The following TNFRSF19 variants were observed in gnomAD, a reference collection of about 807,000 sequenced individuals.
TNFRSF19 encodes the protein TNF receptor superfamily member 19.
A neutral mutation model predicts 46.4 loss-of-function variants in TNFRSF19; 27 were observed. That is an observed-to-expected ratio of 0.58 (90% confidence interval 0.43 to 0.80). The LOEUF is 0.80. TNFRSF19 is among the 30% of genes least tolerant of loss of function. The pLI, the probability that TNFRSF19 is intolerant of heterozygous loss-of-function variation, is 0.00. For missense variants in TNFRSF19, 511 were observed against 530.8 expected, an observed-to-expected ratio of 0.96 and a Z score of 0.37; for synonymous variants, 204 against 205.0, an observed-to-expected ratio of 1.00 and a Z score of 0.04.
intron 5 of TNFRSF19, among the ~76,000 whole-genome samples, chr13:23,653,299 T>C (rs889088892): frequency 3.3e-5 from 5 of 152,200 alleles, no homozygotes; most frequent in Non-Finnish European, 7.3e-5. Flanking sequence ...TCAGCTGCAG[T>C]GTGGCTTCTT....
chr13:23,673,662 G>A lies in TNFRSF19; in HGVS notation c.*282G>A. On this transcript the variant is annotated 3_prime_UTR_variant, in exon 10 of 10. Coordinates refer to ENST00000248484, the MANE Select transcript of TNFRSF19 (RefSeq NM_148957.4). ...TCTCTGCCACAAAAGTGACTTCAAA[G>A]ACGGATGGGTTGAGCTGGCAGCCTA... The A allele has an allele frequency of 1.2e-6, 1 of 858,634 alleles. No individual in the cohort carries two copies. The highest frequency in any genetic ancestry group is 1.5e-6 in the Non-Finnish European group (1 of 655,890). 53.2% of individuals were successfully genotyped at this position (858,634 alleles called of 1,614,324 possible). A position where few individuals can be genotyped will look rare whatever the true frequency, so the allele number is the denominator to read the frequency against.
intron 4 of TNFRSF19, among the ~76,000 whole-genome samples, chr13:23,625,099 A>G (rs141995975): frequency 6.6e-6 from 1 of 152,224 alleles, no homozygotes; most frequent in African/African-American, 2.4e-5. Flanking sequence ...GAGAAAATTG[A>G]TAATAAAAGT....
intron 5 of TNFRSF19, among the ~76,000 whole-genome samples, chr13:23,627,040 C>A (rs1882061334): frequency 6.6e-6 from 1 of 152,178 alleles, no homozygotes; most frequent in Non-Finnish European, 1.5e-5. Context: ...TGCTCAGCTC[C>A]TTCTGAAGCC....
At chr13:23,661,797 T>C (rs1431097831) in intron 7 of TNFRSF19, among the ~76,000 whole-genome samples, 2 of 152,254 alleles carry the variant, frequency 1.3e-5, no homozygotes, top group Non-Finnish European at 2.9e-5. Flanking sequence ...TCATCAGTGC[T>C]GTTGAGCTTT....
chr13:23,657,680 TTTCTTCTTC>T (rs145215064), intron 5 of TNFRSF19, among the ~76,000 whole-genome samples: 1 of 139,566 alleles, frequency 7.2e-6, no homozygotes, highest in Non-Finnish European at 1.5e-5. Flanking sequence ...ATTTTACCTG[TTTCTTCTTC>T]TTCTTCTTCT....
chr13:23,589,201 C>G (rs1043222198), intron 1 of TNFRSF19, among the ~76,000 whole-genome samples: 2 of 152,168 alleles, frequency 1.3e-5, no homozygotes, highest in African/African-American at 4.8e-5. Context: ...TGAGGCTTCG[C>G]TTTTTCTTTT....
rs80177844 is a variant in TNFRSF19 at position 23,625,930 on chromosome 13, T to A, written c.360-777T>A. Among the ~76,000 whole-genome samples the A allele has an allele frequency of 5.1e-4, 78 of 152,304 alleles. 1 individual carries two copies. In the East Asian group the frequency reaches 0.013, roughly 26 times the overall value. On this transcript the variant is annotated intron_variant, in intron 4 of 9. Transcript: ENST00000248484. ...TTTCATCTTAAATTTTTTAAAAAAATTTAATTGTGTCGTGCTTTTCAGTTT... is the reference window on the plus strand; with the variant it reads ...TTTCATCTTAAATTTTTTAAAAAAAATTAATTGTGTCGTGCTTTTCAGTTT...
chr13:23,635,650 A>G (rs1882632530), intron 5 of TNFRSF19, among the ~76,000 whole-genome samples: 1 of 152,202 alleles, frequency 6.6e-6, no homozygotes, highest in South Asian at 2.1e-4. Flanking sequence ...AAGTGCTGGG[A>G]TTACAGGTGT....
At chr13:23,575,746 T>G (rs1483796887) in intron 1 of TNFRSF19, among the ~76,000 whole-genome samples, 1 of 152,200 alleles carries the variant, frequency 6.6e-6, no homozygotes, top group African/African-American at 2.4e-5. Context: ...TCTATTCCAC[T>G]TTTTTCCCAA....
intron 5 of TNFRSF19, among the ~76,000 whole-genome samples, chr13:23,650,462 A>G (rs1020517918): frequency 1.2e-4 from 18 of 152,228 alleles, no homozygotes; most frequent in Non-Finnish European, 2.9e-5. Context: ...CCTTTAAAAC[A>G]TTATACTAAG....
At chr13:23,669,390 G>A (rs565765239) in intron 9 of TNFRSF19, 41 of 1,150,144 alleles carry the variant, frequency 3.6e-5, no homozygotes, top group African/African-American at 4.8e-5. Context: ...GAGGTGAGTC[G>A]GGTATGGGAG....
chr13:23,632,463 G>A (rs924246654), intron 5 of TNFRSF19, among the ~76,000 whole-genome samples: 2 of 152,080 alleles, frequency 1.3e-5, no homozygotes, highest in Admixed American at 1.3e-4. Context: ...GGCCTCCCTG[G>A]GAGGTTCAAA....
In TNFRSF19 at chr13:23,675,791, T is replaced by C. The variant is rs1951821616; in HGVS notation, c.*2411T>C. 6.6e-6 allele frequency: 1 copy of C among 152,126 alleles called. No homozygotes were observed. 9.4% of individuals were successfully genotyped at this position (152,126 alleles called of 1,614,324 possible). A position where few individuals can be genotyped will look rare whatever the true frequency, so the allele number is the denominator to read the frequency against. The stretch of plus-strand genomic sequence containing the variant: ...AGCTCGTTGACAAGACTGAGGAGGA[T>C]TTCAAGAGCAACCAAGTAAAGTCAT... On this transcript the variant is annotated 3_prime_UTR_variant, in exon 10 of 10. Coordinates refer to ENST00000248484, the MANE Select transcript of TNFRSF19 (RefSeq NM_148957.4).
intron 7 of TNFRSF19, among the ~76,000 whole-genome samples, chr13:23,664,021 T>C (rs1951577085): frequency 1.3e-5 from 2 of 152,154 alleles, no homozygotes; most frequent in Admixed American, 1.3e-4. Flanking sequence ...TTTTGGTTAT[T>C]TCTTGTCTTC....
At chr13:23,647,092 T>G (rs1394676623) in intron 5 of TNFRSF19, among the ~76,000 whole-genome samples, 2 of 152,216 alleles carry the variant, frequency 1.3e-5, no homozygotes, top group Non-Finnish European at 2.9e-5. Context: ...TTGGTAAATG[T>G]CTATTCAAAT....
chr13:23,635,473 G>C (rs1882620156), intron 5 of TNFRSF19, among the ~76,000 whole-genome samples: 1 of 152,106 alleles, frequency 6.6e-6, no homozygotes, highest in Admixed American at 6.6e-5. Context: ...CTGCCTCCCA[G>C]GTTCAAGCGA....
chr13:23,613,531 C>A (rs751473122), intron 3 of TNFRSF19, among the ~76,000 whole-genome samples: 1 of 152,168 alleles, frequency 6.6e-6, no homozygotes, highest in Non-Finnish European at 1.5e-5. Context: ...TTCTCTTTCC[C>A]TTGTACTTCT....
intron 4 of TNFRSF19, among the ~76,000 whole-genome samples, chr13:23,622,477 C>G (rs892884129): frequency 6.6e-6 from 1 of 152,052 alleles, no homozygotes; most frequent in African/African-American, 2.4e-5. Flanking sequence ...ACATGACAAC[C>G]TTCTAGCCTC....
At chr13:23,650,192 T>C (rs1883551914) in intron 5 of TNFRSF19, among the ~76,000 whole-genome samples, 1 of 152,202 alleles carries the variant, frequency 6.6e-6, no homozygotes, top group South Asian at 2.1e-4. Context: ...ATTAACATAA[T>C]CTTTAGTGTA....
Sources: gnomAD v4.1 joint callset for allele counts (sites outside exome capture counted in the v4.1 genomes callset) on GRCh38, gnomAD v4.1.1 for gene constraint, MANE v1.5 for transcripts, NCBI Gene and HGNC (gene_info 2026-07-23, HGNC 2026-07-21) for gene names.